BMPR1B: variants seen among roughly 807,000 people sequenced by gnomAD.
The protein encoded by BMPR1B is bone morphogenetic protein receptor type-1B.
Under a neutral mutation model 59.1 loss-of-function variants are expected in BMPR1B, and 12 were observed. That is an observed-to-expected ratio of 0.20 (90% confidence interval 0.13 to 0.33). The LOEUF (loss-of-function observed/expected upper bound fraction) is 0.33, where lower values mean the gene tolerates loss of function less well. BMPR1B is among the 10% of genes least tolerant of loss of function. BMPR1B has a pLI of 1.00. For synonymous variants in BMPR1B, 237 were observed against 207.3 expected, an observed-to-expected ratio of 1.14 and a Z score of -1.23; for missense variants, 550 against 610.9, an observed-to-expected ratio of 0.90 and a Z score of 1.05.
chr4:95,005,088 A>C (rs1722728180), intron 3 of BMPR1B, among the ~76,000 whole-genome samples: 1 of 152,086 alleles, frequency 6.6e-6, no homozygotes, highest in South Asian at 2.1e-4. Flanking sequence ...TCCTGAAACC[A>C]TGTGTTCTTA....
intron 3 of BMPR1B, among the ~76,000 whole-genome samples, chr4:95,058,308 A>C (rs376560453): frequency 4.6e-5 from 7 of 152,162 alleles, no homozygotes; most frequent in African/African-American, 1.7e-4. Flanking sequence ...GTACATTTCA[A>C]ATTTACTTTT....
chr4:94,879,060 T>G (rs966155774), intron 2 of BMPR1B, among the ~76,000 whole-genome samples: 1 of 152,216 alleles, frequency 6.6e-6, no homozygotes, highest in Non-Finnish European at 1.5e-5. Flanking sequence ...TGCAGGTTTG[T>G]TACATATGTA....
At position 94,787,850 on chromosome 4, in the gene BMPR1B, A is replaced by G. The variant is rs576202901; in HGVS notation, c.-183+29782A>G. Among the ~76,000 whole-genome samples, 10 of 152,270 alleles carry G rather than the reference A, an allele frequency of 6.6e-5. No individual in the cohort carries two copies. The South Asian group carries it at 2.1e-3, about 32-fold the overall frequency. On this transcript the variant is annotated intron_variant, in intron 1 of 12. Coordinates refer to ENST00000515059, the MANE Select transcript of BMPR1B (RefSeq NM_001203.3). ...TTCCTTTGACCAAGGGACCTATTTT[A>G]TACTGGAACTCATGATCACAAGATT...
At chr4:95,109,452 T>G (rs983336271) in intron 4 of BMPR1B, among the ~76,000 whole-genome samples, 1 of 152,052 alleles carries the variant, frequency 6.6e-6, no homozygotes, top group Non-Finnish European at 1.5e-5. Context: ...CTGAGTGTGG[T>G]GGTATGTTTT....
intron 8 of BMPR1B, among the ~76,000 whole-genome samples, chr4:95,127,044 C>CTGTGTGTGTGTGTGTGTGTGTGTG (rs6148578): frequency 1.5e-3 from 223 of 146,468 alleles, no homozygotes; most frequent in Middle Eastern, 3.5e-3. Flanking sequence ...AGAATTAAGA[C>CTGTGTGTGTGTGTGTGTGTGTGTG]TGTGTGTGTG....
chr4:95,008,704 G>A (rs1010858322), intron 3 of BMPR1B, among the ~76,000 whole-genome samples: 10 of 151,690 alleles, frequency 6.6e-5, no homozygotes, highest in Non-Finnish European at 1.0e-4. Context: ...TTCATCAAAG[G>A]ACACTAAAAA....
At chr4:94,815,170 G>A (rs1723964853) in intron 1 of BMPR1B, among the ~76,000 whole-genome samples, 2 of 152,162 alleles carry the variant, frequency 1.3e-5, no homozygotes, top group South Asian at 2.1e-4. Context: ...CTCCCAGTGT[G>A]CTGGTATTAC....
In BMPR1B at chr4:95,098,154, C is replaced by T. The variant is rs1036581312; in HGVS notation, c.-17-6254C>T. ...ATATCTGATATTTGGGATATATCTT[C>T]ATTATTGCTAATCCACTGGATGTTT... On this transcript the variant is annotated intron_variant, in intron 3 of 12. Coordinates refer to ENST00000515059, the MANE Select transcript of BMPR1B (RefSeq NM_001203.3). 2.6e-5 allele frequency among the ~76,000 whole-genome samples: 4 copies of T among 152,182 alleles called. No homozygotes were observed. In the East Asian group the frequency reaches 7.7e-4, roughly 29 times the overall value.
At chr4:95,095,114 A>G (rs912558134) in intron 3 of BMPR1B, among the ~76,000 whole-genome samples, 7 of 151,968 alleles carry the variant, frequency 4.6e-5, no homozygotes, top group African/African-American at 1.7e-4. Context: ...CTTTAGTATA[A>G]GGAAAAATGG....
intron 3 of BMPR1B, among the ~76,000 whole-genome samples, chr4:95,011,261 C>T (rs1161812082): frequency 6.6e-6 from 1 of 151,988 alleles, no homozygotes; most frequent in African/African-American, 2.4e-5. Context: ...TCAGGTAGAC[C>T]CCACTGTCTG....
At chr4:94,943,218 G>A (rs1178551584) in intron 2 of BMPR1B, among the ~76,000 whole-genome samples, 4 of 151,236 alleles carry the variant, frequency 2.6e-5, no homozygotes, top group Admixed American at 6.6e-5. Flanking sequence ...TCGGCTCACC[G>A]CAACCTCTGC....
intron 3 of BMPR1B, among the ~76,000 whole-genome samples, chr4:95,050,696 GCTACT>G (rs1389434718): frequency 6.6e-6 from 1 of 152,102 alleles, no homozygotes; most frequent in Non-Finnish European, 1.5e-5. Flanking sequence ...TAATACATTT[GCTACT>G]CTACTCATAA....
intron 1 of BMPR1B, among the ~76,000 whole-genome samples, chr4:94,799,303 G>GTTT (rs781266058): frequency 1.4e-5 from 2 of 139,022 alleles, no homozygotes; most frequent in African/African-American, 5.3e-5. Context: ...TTGGGTGACT[G>GTTT]TTTTTTTTTT....
At chr4:94,942,607 T>TA (rs1239540856) in intron 2 of BMPR1B, among the ~76,000 whole-genome samples, 1 of 152,224 alleles carries the variant, frequency 6.6e-6, no homozygotes, top group Non-Finnish European at 1.5e-5. Flanking sequence ...ATTGTTGAAA[T>TA]ATATCATTTT....
intron 3 of BMPR1B, among the ~76,000 whole-genome samples, chr4:95,098,674 C>T (rs764310062): frequency 7.2e-4 from 109 of 151,998 alleles, no homozygotes; most frequent in Admixed American, 1.4e-3. Flanking sequence ...TGCTGCTTCT[C>T]TTCCGCCTTG....
rs894175625 is a variant in BMPR1B, at chr4:94,787,682, A to T, written c.-183+29614A>T. Reference sequence around the variant, plus strand: ...TTGCTTTAAGAATGGCTCCCATGTTATGTAAAACTTATATTAAATAAATCT... The same window carrying T: ...TTGCTTTAAGAATGGCTCCCATGTTTTGTAAAACTTATATTAAATAAATCT... On this transcript the variant is annotated intron_variant, in intron 1 of 12. Coordinates refer to ENST00000515059, the MANE Select transcript of BMPR1B (RefSeq NM_001203.3). 7.9e-5 allele frequency among the ~76,000 whole-genome samples: 12 copies of T among 152,330 alleles called. No homozygotes were observed. In the South Asian group the frequency reaches 2.5e-3, roughly 32 times the overall value.
At chr4:95,067,244 A>C (rs1042689618) in intron 3 of BMPR1B, among the ~76,000 whole-genome samples, 13 of 152,212 alleles carry the variant, frequency 8.5e-5, no homozygotes, top group African/African-American at 3.1e-4. Context: ...CTGAAGGTAT[A>C]ATCCAAATAA....
At position 95,009,118 on chromosome 4, in the gene BMPR1B, T is replaced by G. The variant is rs114306973; in HGVS notation, c.-18+12984T>G. ...CATACCTACCATGTTGGTAAAAATA[T>G]AAAAGTCTGAAAATAACAAATCTTG... On this transcript the variant is annotated intron_variant, in intron 3 of 12. Transcript: ENST00000515059. Among the ~76,000 whole-genome samples the G allele has an allele frequency of 4.7e-3, 717 of 152,218 alleles. 8 individuals carry two copies. Among genetic ancestry groups the G allele is most frequent in the African/African-American group, 0.016 (665 of 41,536 alleles).
chr4:94,819,415 T>G (rs964216026), intron 1 of BMPR1B, among the ~76,000 whole-genome samples: 5 of 152,200 alleles, frequency 3.3e-5, no homozygotes. Context: ...TTGGTAATAG[T>G]TTAGGGAGCT....
Sources: gnomAD v4.1 joint callset for allele counts (sites outside exome capture counted in the v4.1 genomes callset) on GRCh38, gnomAD v4.1.1 for gene constraint, MANE v1.5 for transcripts, NCBI Gene and HGNC (gene_info 2026-07-23, HGNC 2026-07-21) for gene names.